FAM186B: variants seen among roughly 807,000 people sequenced by gnomAD.
FAM186B encodes family with sequence similarity 186 member B, also known as protein FAM186B.
A neutral mutation model predicts 83.4 loss-of-function variants in FAM186B; 68 were observed. The observed-to-expected ratio is 0.81, with a 90% CI of 0.67 to 1.00. The LOEUF is 1.00. FAM186B is among the 50% of genes least tolerant of loss of function. FAM186B has a pLI of 0.00. For synonymous variants in FAM186B, 389 were observed against 422.0 expected (o/e 0.92, Z 0.96); for missense variants, 983 against 1,099.2 (o/e 0.89, Z 1.49).
chr12:49,606,794 T>C (rs548445832), upstream of FAM186B, among the ~76,000 whole-genome samples: 12 of 152,268 alleles, frequency 7.9e-5, no homozygotes, highest in African/African-American at 2.6e-4. Flanking sequence ...TTGACAGTCA[T>C]AGAACACTTC....
At chr12:49,605,045 G>T (rs1950456290) in intron 1 of FAM186B, among the ~76,000 whole-genome samples, 1 of 152,106 alleles carries the variant, frequency 6.6e-6, no homozygotes, top group African/African-American at 2.4e-5. Context: ...TCAGCTTGGG[G>T]GATTCTGGAG....
chr12:49,607,028 G>A (rs1279888313), upstream of FAM186B, among the ~76,000 whole-genome samples: 2 of 152,036 alleles, frequency 1.3e-5, no homozygotes, highest in Admixed American at 6.5e-5. Context: ...ATATAACCCT[G>A]AGTCAAAAAA....
chr12:49,590,140 GT>G (rs201089681), intron 5 of FAM186B, among the ~76,000 whole-genome samples: 1 of 150,062 alleles, frequency 6.7e-6, no homozygotes, highest in African/African-American at 2.5e-5. Flanking sequence ...TCCAATATAA[GT>G]TTTTTTTTAG....
the FAM186B span, among the ~76,000 whole-genome samples, chr12:49,618,354 A>G: frequency 6.6e-6 from 1 of 152,050 alleles, no homozygotes; most frequent in African/African-American, 2.4e-5. Flanking sequence ...AAAAAAAAAA[A>G]AAGAAGCTCA....
In FAM186B at chr12:49,598,883, G is replaced by C; in HGVS notation, c.2236C>G (p.Leu746Val). 1.9e-6 allele frequency: 3 copies of C among 1,613,674 alleles called. No individual in the cohort carries two copies. The highest frequency in any genetic ancestry group is 4.5e-5 in the East Asian group (2 of 44,824). Residue 746 changes from leucine to valine, a missense_variant, in exon 5 of 7, where the codon CTC becomes GTC. Coordinates refer to ENST00000257894, the MANE Select transcript of FAM186B (RefSeq NM_032130.3). ...TCAATGTTTTCCAGGAAGATGTAGA[G>C]GTTCTGGGCCTTGTAGGAAGCCTCC... ...ETEASYKAQN[L>V]YIFLENIDRL...
the FAM186B span, among the ~76,000 whole-genome samples, chr12:49,613,040 A>T: frequency 3.3e-5 from 5 of 152,244 alleles, no homozygotes; most frequent in African/African-American, 1.2e-4. Flanking sequence ...CCATATTCTC[A>T]CACCTCAGTG....
intron 5 of FAM186B, among the ~76,000 whole-genome samples, chr12:49,592,096 G>A (rs186484505): frequency 6.6e-6 from 1 of 152,276 alleles, no homozygotes; most frequent in East Asian, 1.9e-4. Flanking sequence ...AAGGCCGGGA[G>A]GGAAGAAATA....
intron 5 of FAM186B, among the ~76,000 whole-genome samples, chr12:49,589,371 G>C (rs1939526342): frequency 6.6e-6 from 1 of 152,196 alleles, no homozygotes; most frequent in Non-Finnish European, 1.5e-5. Context: ...CTGCTTTTCT[G>C]CTCCTGGCAG....
chr12:49,615,703 C>A, the FAM186B span, among the ~76,000 whole-genome samples: 1 of 151,980 alleles, frequency 6.6e-6, no homozygotes, highest in South Asian at 2.1e-4. Flanking sequence ...GCGGGAGGCT[C>A]ACTGAGTCCA....
At chr12:49,603,047 C>G in intron 3 of FAM186B, 138 bp downstream of exon 3, 2 of 910,364 alleles carry the variant, frequency 2.2e-6, no homozygotes, top group Non-Finnish European at 3.5e-6. Context: ...CAGCCCCTCA[C>G]CACTGCCCAT....
At chr12:49,595,352 G>T in intron 5 of FAM186B, 1 of 574,194 alleles carries the variant, frequency 1.7e-6, no homozygotes, top group Non-Finnish European at 3.4e-6. Context: ...GGTAATCTGG[G>T]TGCACAGAAT....
chr12:49,616,279 C>G, the FAM186B span, among the ~76,000 whole-genome samples: 1 of 152,200 alleles, frequency 6.6e-6, no homozygotes, highest in African/African-American at 2.4e-5. Flanking sequence ...ATTCACCTGC[C>G]TCGACCTCCC....
At chr12:49,616,726 G>T in the FAM186B span, among the ~76,000 whole-genome samples, 1 of 152,210 alleles carries the variant, frequency 6.6e-6, no homozygotes, top group Non-Finnish European at 1.5e-5. Flanking sequence ...GCAGGGAGGA[G>T]ACTGACTGCA....
chr12:49,600,057 C>G lies in FAM186B; in HGVS notation c.1583G>C (p.Arg528Thr). Residue 528 changes from arginine (R) to threonine (T), a missense_variant, in exon 4 of 7, where the codon AGG becomes ACG. By Grantham distance (71) the Arg-to-Thr change is moderately conservative. Transcript: ENST00000257894. The surrounding 1 kb of genome is among the most constrained non-coding windows in gnomAD (Gnocchi z 4.3). Reference sequence around the variant, plus strand: ...CTGGACCCATCTCCGCTGTTGCTCCCTGGCCAGGTCTTCCAGATTCCACTG... The same window carrying G: ...CTGGACCCATCTCCGCTGTTGCTCCGTGGCCAGGTCTTCCAGATTCCACTG... ...LRQWNLEDLA[R>T]EQQRRWVQLE... The G allele has an allele frequency of 6.2e-7, 1 of 1,606,076 alleles. No individual in the cohort carries two copies. The highest frequency in any genetic ancestry group is 1.7e-4 in the Middle Eastern group (1 of 6,022).
At position 49,600,303 on chromosome 12, in the gene FAM186B, T is replaced by A; in HGVS notation, c.1337A>T (p.Asp446Val). 6.2e-7 allele frequency: 1 copy of A among 1,614,186 alleles called. No individual in the cohort carries two copies. Among genetic ancestry groups the A allele is most frequent in the East Asian group, 2.2e-5 (1 of 44,884 alleles). Residue 446 changes from aspartate to valine, a missense_variant, in exon 4 of 7, where the codon GAC becomes GTC. Asp to Val is a radical substitution (Grantham distance 152). Coordinates refer to ENST00000257894, the MANE Select transcript of FAM186B (RefSeq NM_032130.3). This position sits in a 1 kb window ranked among gnomAD's most constrained non-coding sequence, Gnocchi z 4.3. ...TTGGAGTCCTCCCTTCTGGAAGTAGTCCTCCTGGTCTTTGTCTTTGTGGCC... is the reference window on the plus strand; with the variant it reads ...TTGGAGTCCTCCCTTCTGGAAGTAGACCTCCTGGTCTTTGTCTTTGTGGCC... Reference protein sequence around the residue: ...SLGHKDKDQEDYFQKGGLQIK... With the variant: ...SLGHKDKDQEVYFQKGGLQIK...
chr12:49,589,619 T>G (rs150103902), intron 5 of FAM186B, among the ~76,000 whole-genome samples: 1 of 151,924 alleles, frequency 6.6e-6, no homozygotes, highest in African/African-American at 2.4e-5. Flanking sequence ...TTGTAGAGAA[T>G]CTAGAAACGG....
upstream of FAM186B, among the ~76,000 whole-genome samples, chr12:49,606,674 C>T (rs1371090901): frequency 6.6e-6 from 1 of 151,994 alleles, no homozygotes; most frequent in African/African-American, 2.4e-5. Context: ...ATAGGTAAAT[C>T]CAAAATTATA....
intron 5 of FAM186B, among the ~76,000 whole-genome samples, chr12:49,596,799 C>T (rs964901562): frequency 1.3e-5 from 2 of 152,154 alleles, no homozygotes; most frequent in East Asian, 1.9e-4. Flanking sequence ...GGAACAGAAT[C>T]GCCACCTTGA....
chr12:49,598,750 C>A lies in FAM186B; in HGVS notation c.2364+5G>T. 1 of 1,582,338 alleles carries A rather than the reference C, an allele frequency of 6.3e-7. No homozygotes were observed. The highest frequency in any genetic ancestry group is 8.6e-7 in the Non-Finnish European group (1 of 1,167,706). The stretch of plus-strand genomic sequence containing the variant: ...GTGGCGGGGGGGTCAGGGCGGGAGG[C>A]CCACCTTGGGGAACATGGTCACCAT... On this transcript the variant is annotated splice_donor_5th_base_variant and intron_variant, in intron 5 of 6. Transcript: ENST00000257894.
Sources: allele counts gnomAD v4.1 joint callset (sites outside exome capture counted in the v4.1 genomes callset), GRCh38; gene constraint gnomAD v4.1.1; non-coding constraint Gnocchi (gnomAD v3.1); transcripts MANE v1.5; gene names NCBI Gene and HGNC (gene_info 2026-07-23, HGNC 2026-07-21).